The following DNER variants were observed in gnomAD, a reference collection of about 807,000 sequenced individuals.
DNER encodes delta/notch like EGF repeat containing.
Under a neutral mutation model 78.2 loss-of-function variants are expected in DNER, and 33 were observed. The ratio of observed to expected loss-of-function variants is 0.42; its 90% CI spans 0.32 to 0.56. The LOEUF is 0.56. Ranked by LOEUF, DNER falls within the 20% of genes least tolerant of loss-of-function variation. DNER has a pLI of 0.11. For missense variants in DNER, 918 were observed against 975.3 expected, an observed-to-expected ratio of 0.94 and a Z score of 0.78; for synonymous variants, 417 against 384.8, an observed-to-expected ratio of 1.08 and a Z score of -0.98.
At chr2:229,699,762 T>C (rs1011600746) in intron 1 of DNER, among the ~76,000 whole-genome samples, 1 of 152,224 alleles carries the variant, frequency 6.6e-6, no homozygotes, top group African/African-American at 2.4e-5. Flanking sequence ...GGCTTGAATC[T>C]GCTCATTCTC....
At chr2:229,375,279 A>C (rs1429503995) in intron 11 of DNER, among the ~76,000 whole-genome samples, 1 of 152,242 alleles carries the variant, frequency 6.6e-6, no homozygotes, top group African/African-American at 2.4e-5. Flanking sequence ...ACTATGTACC[A>C]GTCACTGAAC....
intron 7 of DNER, among the ~76,000 whole-genome samples, chr2:229,451,165 A>G (rs1694448520): frequency 6.6e-6 from 1 of 152,238 alleles, no homozygotes; most frequent in African/African-American, 2.4e-5. Flanking sequence ...AATGCTAATA[A>G]TAACAGCAAC....
chr2:229,656,000 T>C (rs1250009953), intron 1 of DNER, among the ~76,000 whole-genome samples: 1 of 152,030 alleles, frequency 6.6e-6, no homozygotes, highest in Admixed American at 6.6e-5. Context: ...CTCTAGACCC[T>C]AGAGTGTCTG....
At chr2:229,381,946 C>T (rs897458251) in intron 11 of DNER, among the ~76,000 whole-genome samples, 2 of 152,196 alleles carry the variant, frequency 1.3e-5, no homozygotes, top group Non-Finnish European at 2.9e-5. Context: ...CAGGCTGCCT[C>T]CTCAAGTGGG....
At chr2:229,544,167 T>C (rs1020028864) in intron 5 of DNER, among the ~76,000 whole-genome samples, 3 of 152,174 alleles carry the variant, frequency 2.0e-5, no homozygotes, top group African/African-American at 7.2e-5. Context: ...GAACACTGAG[T>C]GTCCTTCACA....
chr2:229,632,355 A>G (rs1225393898), intron 1 of DNER, among the ~76,000 whole-genome samples: 4 of 152,216 alleles, frequency 2.6e-5, no homozygotes, highest in African/African-American at 4.8e-5. Flanking sequence ...AACACTAACT[A>G]TAATATAGCG....
chr2:229,701,223 T>G (rs537153853), intron 1 of DNER, among the ~76,000 whole-genome samples: 14 of 152,320 alleles, frequency 9.2e-5, no homozygotes, highest in Middle Eastern at 3.4e-3. Flanking sequence ...CCCATGAAGA[T>G]GCAAAACTAT....
At chr2:229,401,953 T>C (rs1174233090) in intron 10 of DNER, among the ~76,000 whole-genome samples, 15 of 152,180 alleles carry the variant, frequency 9.9e-5, no homozygotes. Context: ...TAACTGGATG[T>C]TTACATGGGA....
Position 229,394,342 on chromosome 2 carries a change from G to A in DNER, c.1724-5946C>T, listed in dbSNP as rs950352761. Among the ~76,000 whole-genome samples the A allele has an allele frequency of 9.9e-5, 15 of 152,256 alleles. No homozygotes were observed. In the East Asian group the frequency reaches 2.7e-3, roughly 27 times the overall value. The stretch of plus-strand genomic sequence containing the variant: ...GGTAATGGTGTGGGTGTGGGGATCC[G>A]CCATCTTGTTTCCCCACTGCCCAAG... On this transcript the variant is annotated intron_variant, in intron 10 of 12. Coordinates refer to ENST00000341772, the MANE Select transcript of DNER (RefSeq NM_139072.4).
chr2:229,697,551 T>C (rs1400837415), intron 1 of DNER, among the ~76,000 whole-genome samples: 1 of 152,234 alleles, frequency 6.6e-6, no homozygotes, highest in Non-Finnish European at 1.5e-5. Flanking sequence ...TGGTTTATGA[T>C]ACAGAGAATT....
intron 6 of DNER, among the ~76,000 whole-genome samples, chr2:229,507,816 T>A (rs1410508229): frequency 6.6e-6 from 1 of 152,216 alleles, no homozygotes; most frequent in African/African-American, 2.4e-5. Context: ...ACAAGGTTAA[T>A]ATCCTTTAGA....
chr2:229,629,435 T>C (rs1312288227), intron 1 of DNER, among the ~76,000 whole-genome samples: 2 of 152,348 alleles, frequency 1.3e-5, no homozygotes, highest in East Asian at 1.9e-4. Context: ...GTAGTCACTA[T>C]GTGGAGACCT....
At position 229,418,300 on chromosome 2, in the gene DNER, A is replaced by T; in HGVS notation, c.1487-70T>A. 3.7e-6 allele frequency: 6 copies of T among 1,601,890 alleles called. No individual in the cohort carries two copies. The South Asian group carries it at 5.6e-5, about 15-fold the overall frequency. On this transcript the variant is annotated intron_variant, in intron 8 of 12. Coordinates refer to ENST00000341772, the MANE Select transcript of DNER (RefSeq NM_139072.4). ...ACAACCCACGCGGGACCAGCCTGCAAGGAAGGCAGTTGGGGGTATTCATTA... is the reference window on the plus strand; with the variant it reads ...ACAACCCACGCGGGACCAGCCTGCATGGAAGGCAGTTGGGGGTATTCATTA...
rs759186953 is a variant in DNER at position 229,591,620 on chromosome 2, G to A, written c.545C>T (p.Thr182Ile). ...TVTLPTWQPK[T>I]GQKVVEMKWD... ...TTTCATTTCTACAACTTTCTGCCCT[G>A]TTTTCGGCTGCCAGGTAGGCAGTGT... The change falls in exon 2 of 13, where the codon ACA becomes ATA. Residue 182 changes from threonine (T) to isoleucine (I), a missense_variant. Thr to Ile is a moderately conservative substitution (Grantham distance 89, BLOSUM62 -1). Transcript: ENST00000341772. The surrounding 1 kb of genome is among the most constrained non-coding windows in gnomAD (Gnocchi z 4.6). 1.2e-6 allele frequency: 2 copies of A among 1,614,146 alleles called. No individual in the cohort carries two copies. Among genetic ancestry groups the A allele is most frequent in the South Asian group, 2.2e-5 (2 of 91,064 alleles).
intron 10 of DNER, among the ~76,000 whole-genome samples, chr2:229,389,980 C>G (rs1692980749): frequency 6.6e-6 from 1 of 152,162 alleles, no homozygotes; most frequent in African/African-American, 2.4e-5. Context: ...GGCAATCACT[C>G]TTAGTAGAAA....
intron 4 of DNER, among the ~76,000 whole-genome samples, chr2:229,567,743 C>T (rs766597792): frequency 1.3e-4 from 20 of 152,214 alleles, no homozygotes; most frequent in Admixed American, 2.0e-4. Flanking sequence ...TAATGAATTA[C>T]TGATTGTCCC....
chr2:229,451,290 C>T (rs943443176), intron 7 of DNER, among the ~76,000 whole-genome samples: 22 of 152,168 alleles, frequency 1.4e-4, no homozygotes, highest in African/African-American at 5.3e-4. Flanking sequence ...AATCCCGTCT[C>T]TACTAAAAAT....
intron 11 of DNER, among the ~76,000 whole-genome samples, chr2:229,382,585 A>G (rs1692768069): frequency 6.6e-6 from 1 of 152,094 alleles, no homozygotes; most frequent in African/African-American, 2.4e-5. Flanking sequence ...GACCTGATGG[A>G]GCTGAAAAAT....
chr2:229,511,431 CAG>C (rs1268034559), intron 6 of DNER, among the ~76,000 whole-genome samples: 1 of 152,150 alleles, frequency 6.6e-6, no homozygotes, highest in Non-Finnish European at 1.5e-5. Flanking sequence ...AGATGATTGT[CAG>C]AGCATGAAGT....
Sources: gnomAD v4.1 joint callset for allele counts (sites outside exome capture counted in the v4.1 genomes callset) on GRCh38, gnomAD v4.1.1 for gene constraint, Gnocchi (gnomAD v3.1) non-coding constraint, MANE v1.5 for transcripts, NCBI Gene and HGNC (gene_info 2026-07-23, HGNC 2026-07-21) for gene names.